The following RIMBP2 variants were observed in gnomAD, a reference collection of about 807,000 sequenced individuals.
RIMBP2 encodes the protein RIMS binding protein 2.
A neutral mutation model predicts 118.6 loss-of-function variants in RIMBP2; 48 were observed. The observed-to-expected ratio is 0.40, with a 90% CI of 0.32 to 0.51. RIMBP2 has a LOEUF of 0.51. Ranked by LOEUF, RIMBP2 falls within the 20% of genes least tolerant of loss-of-function variation. The pLI is 0.41. For synonymous variants in RIMBP2, 762 were observed against 742.9 expected (o/e 1.03, Z -0.42); for missense variants, 1,551 against 1,768.3 (o/e 0.88, Z 2.20).
At chr12:130,407,865 G>C in intron 19 of RIMBP2, 36 bp from the exon 20 acceptor site, 1 of 1,580,486 alleles carries the variant, frequency 6.3e-7, no homozygotes, top group Non-Finnish European at 8.7e-7. Flanking sequence ...AATCCATCAT[G>C]AGGTTATTTC....
chr12:130,481,637 G>A (rs1162468024), intron 4 of RIMBP2, among the ~76,000 whole-genome samples: 1 of 152,164 alleles, frequency 6.6e-6, no homozygotes, highest in Non-Finnish European at 1.5e-5. Flanking sequence ...CCCAAAACAT[G>A]AACAAAACCC....
At chr12:130,564,792 A>G (rs529436152) in intron 2 of RIMBP2, among the ~76,000 whole-genome samples, 3 of 152,222 alleles carry the variant, frequency 2.0e-5, no homozygotes, top group Non-Finnish European at 4.4e-5. Context: ...CATTAGTTCC[A>G]GAGATCTGCT....
intron 1 of RIMBP2, chr12:130,669,279 G>A (rs1453524778): frequency 6.6e-6 from 1 of 152,204 alleles, no homozygotes; most frequent in African/African-American, 2.4e-5. Flanking sequence ...TGATAACTAT[G>A]TAATAAATAG....
At chr12:130,636,831 C>T (rs914417359) in intron 1 of RIMBP2, among the ~76,000 whole-genome samples, 1 of 152,188 alleles carries the variant, frequency 6.6e-6, no homozygotes, top group African/African-American at 2.4e-5. Context: ...TGGATACCTA[C>T]AGCTGGGTTT....
intron 9 of RIMBP2, among the ~76,000 whole-genome samples, chr12:130,448,516 GC>G (rs2078729584): frequency 6.6e-6 from 1 of 152,252 alleles, no homozygotes; most frequent in South Asian, 2.1e-4. Context: ...GAGGACACCA[GC>G]CCAGCGCTGC....
intron 2 of RIMBP2, among the ~76,000 whole-genome samples, chr12:130,571,592 A>C (rs1054713537): frequency 1.3e-5 from 2 of 151,742 alleles, no homozygotes; most frequent in African/African-American, 4.8e-5. Context: ...GCTAATTTTT[A>C]TATTTTTAAT....
In RIMBP2 at chr12:130,535,764, T is replaced by C. The variant is rs1236066944; in HGVS notation, c.-216-17847A>G. On this transcript the variant is annotated intron_variant, in intron 2 of 22. Coordinates refer to ENST00000690449, the MANE Select transcript of RIMBP2 (RefSeq NM_001393629.1). ...ATATATATATATATATATATATATA[T>C]ATATATATATATATATATACACATA... Among the ~76,000 whole-genome samples, 65 of 109,318 alleles carry C rather than the reference T, an allele frequency of 5.9e-4. 1 individual carries two copies. Among genetic ancestry groups the C allele is most frequent in the African/African-American group, 1.9e-3 (59 of 30,584 alleles). 71.7% of individuals were successfully genotyped at this position (109,318 alleles called of 152,430 possible).
At chr12:130,513,274 A>C (rs2051106274) in intron 3 of RIMBP2, among the ~76,000 whole-genome samples, 1 of 152,204 alleles carries the variant, frequency 6.6e-6, no homozygotes, top group African/African-American at 2.4e-5. Flanking sequence ...CACATTAGCA[A>C]CCCTGGGCAT....
intron 1 of RIMBP2, among the ~76,000 whole-genome samples, chr12:130,641,051 G>A (rs1461262577): frequency 1.3e-5 from 2 of 152,152 alleles, no homozygotes. Flanking sequence ...TTCTGTGGTT[G>A]GGCAGGAGAA....
At chr12:130,551,690 AGAGC>A (rs1046408244) in intron 2 of RIMBP2, among the ~76,000 whole-genome samples, 3 of 152,240 alleles carry the variant, frequency 2.0e-5, no homozygotes, top group Middle Eastern at 3.2e-3. Context: ...ATGCACAGAT[AGAGC>A]AAGGTGAGAT....
chr12:130,623,017 G>A lies in RIMBP2; in HGVS notation c.-217+5305C>T, dbSNP rs1395413168. Among the ~76,000 whole-genome samples, 1 of 152,212 alleles carries A rather than the reference G, an allele frequency of 6.6e-6. No homozygotes were observed. The highest frequency in any genetic ancestry group is 2.4e-5 in the African/African-American group (1 of 41,454). On this transcript the variant is annotated intron_variant, in intron 2 of 22. Coordinates refer to ENST00000690449, the MANE Select transcript of RIMBP2 (RefSeq NM_001393629.1). This position sits in a 1 kb window ranked among gnomAD's most constrained non-coding sequence, Gnocchi z 4.1. ...ATACTGTTGGGGCCATTTCCTTCTA[G>A]TATCAATGGTTTCTTATCTCAACAA...
At chr12:130,668,942 T>C (rs1443325916) in intron 1 of RIMBP2, among the ~76,000 whole-genome samples, 1 of 152,210 alleles carries the variant, frequency 6.6e-6, no homozygotes, top group African/African-American at 2.4e-5. Flanking sequence ...GCAGGGCAAT[T>C]ATACCTTTTG....
intron 2 of RIMBP2, among the ~76,000 whole-genome samples, chr12:130,524,832 A>G (rs1165578987): frequency 1.3e-5 from 2 of 152,170 alleles, no homozygotes; most frequent in Non-Finnish European, 2.9e-5. Flanking sequence ...GTGAAATAGC[A>G]TGGCTTGGTG....
chr12:130,409,547 T>C lies in RIMBP2; in HGVS notation c.3590-1718A>G, dbSNP rs560077992. ...TTTTTGTATAGACGGGGTTTCACCG[T>C]GTTAGCCAGGATGTTTCAATCTCCT... is the stretch of plus-strand genomic sequence containing the variant. On this transcript the variant is annotated intron_variant, in intron 19 of 22. Coordinates refer to ENST00000690449, the MANE Select transcript of RIMBP2 (RefSeq NM_001393629.1). Among the ~76,000 whole-genome samples, 11 of 152,092 alleles carry C rather than the reference T, an allele frequency of 7.2e-5. 1 individual carries two copies. In the East Asian group the frequency reaches 2.1e-3, roughly 30 times the overall value.
chr12:130,415,850 T>C (rs2076067330), intron 17 of RIMBP2, among the ~76,000 whole-genome samples: 1 of 152,148 alleles, frequency 6.6e-6, no homozygotes, highest in Non-Finnish European at 1.5e-5. Flanking sequence ...ACAATTTCAA[T>C]AAAATTTCAG....
intron 2 of RIMBP2, among the ~76,000 whole-genome samples, chr12:130,615,272 C>CACACACAT (rs1429575646): frequency 2.6e-5 from 1 of 38,806 alleles, no homozygotes; most frequent in Non-Finnish European, 4.6e-5. Flanking sequence ...ACATAATACA[C>CACACACAT]ATACATATAT....
At chr12:130,438,747 T>C (rs1280766691) in intron 11 of RIMBP2, among the ~76,000 whole-genome samples, 1 of 152,164 alleles carries the variant, frequency 6.6e-6, no homozygotes, top group Non-Finnish European at 1.5e-5. Flanking sequence ...AAATTCGGCA[T>C]TTAGTCACCA....
In RIMBP2 at chr12:130,469,950, C is replaced by A. The variant is rs140331573; in HGVS notation, c.153+743G>T. ...CACTGTGCATGATGGATGCAGACAG[C>A]AGAGGCCTGAGGGGGACCCCATAGC... On this transcript the variant is annotated intron_variant, in intron 6 of 22. Coordinates refer to ENST00000690449, the MANE Select transcript of RIMBP2 (RefSeq NM_001393629.1). The surrounding 1 kb of genome is among the most constrained non-coding windows in gnomAD (Gnocchi z 4.8). 1.8e-4 allele frequency among the ~76,000 whole-genome samples: 27 copies of A among 152,332 alleles called. No homozygotes were observed. The East Asian group carries it at 5.2e-3, about 29-fold the overall frequency.
At chr12:130,527,886 A>G (rs891297652) in intron 2 of RIMBP2, among the ~76,000 whole-genome samples, 4 of 152,220 alleles carry the variant, frequency 2.6e-5, no homozygotes, top group African/African-American at 4.8e-5. Flanking sequence ...TAAAACCACA[A>G]TGAGATACCA....
Sources: gnomAD v4.1 joint callset for allele counts (sites outside exome capture counted in the v4.1 genomes callset) on GRCh38, gnomAD v4.1.1 for gene constraint, Gnocchi (gnomAD v3.1) non-coding constraint, MANE v1.5 for transcripts, NCBI Gene and HGNC (gene_info 2026-07-23, HGNC 2026-07-21) for gene names.